The following FAM78B variants were observed in gnomAD, a reference collection of about 807,000 sequenced individuals.
FAM78B encodes protein FAM78B.
Under a neutral mutation model 20.0 loss-of-function variants are expected in FAM78B, and 10 were observed. That is an observed-to-expected ratio of 0.50 (90% confidence interval 0.31 to 0.85). FAM78B has a LOEUF of 0.85. FAM78B is among the 40% of genes least tolerant of loss of function. The pLI is 0.05. For synonymous variants in FAM78B, 135 were observed against 132.8 expected (o/e 1.02, Z -0.12); for missense variants, 283 against 345.0 (o/e 0.82, Z 1.42).
intron 1 of FAM78B, among the ~76,000 whole-genome samples, chr1:166,134,490 T>G (rs1226828188): frequency 6.6e-6 from 1 of 151,882 alleles, no homozygotes; most frequent in Non-Finnish European, 1.5e-5. Flanking sequence ...AAGTGGCCAT[T>G]TGAAAGACAC....
intron 2 of FAM78B, among the ~76,000 whole-genome samples, chr1:166,063,518 T>C (rs1411759832): frequency 1.8e-4 from 28 of 152,152 alleles, no homozygotes; most frequent in Non-Finnish European, 1.5e-5. Context: ...CTGGATCTTA[T>C]GAGACCAGCC....
intron 1 of FAM78B, among the ~76,000 whole-genome samples, chr1:166,109,813 T>C (rs1160845403): frequency 1.3e-4 from 4 of 30,372 alleles, no homozygotes; most frequent in Non-Finnish European, 1.8e-4. Flanking sequence ...TATGTATATA[T>C]GTATATATAT....
At chr1:166,119,805 A>G (rs1367135699) in intron 1 of FAM78B, among the ~76,000 whole-genome samples, 1 of 152,380 alleles carries the variant, frequency 6.6e-6, no homozygotes. Flanking sequence ...AGACTCCCTG[A>G]AGCCTTGCCA....
intron 1 of FAM78B, among the ~76,000 whole-genome samples, chr1:166,119,088 G>GA (rs1306515154): frequency 6.6e-6 from 1 of 152,126 alleles, no homozygotes; most frequent in African/African-American, 2.4e-5. Flanking sequence ...GAGAGAGAGA[G>GA]GAGTGGAAGG....
At chr1:166,058,237 C>T (rs1308738199) in exon 3 of FAM78B, 1 of 152,134 alleles carries the variant, frequency 6.6e-6, no homozygotes, top group East Asian at 1.9e-4. Context: ...GTAAATGTCA[C>T]CTGGGAAGGG....
At chr1:166,134,524 A>C (rs1655001944) in intron 1 of FAM78B, among the ~76,000 whole-genome samples, 1 of 151,754 alleles carries the variant, frequency 6.6e-6, no homozygotes, top group South Asian at 2.1e-4. Context: ...TAGTAATAAT[A>C]ATAATAATAA....
intron 1 of FAM78B, among the ~76,000 whole-genome samples, chr1:166,110,995 G>A: frequency 6.6e-6 from 1 of 152,204 alleles, no homozygotes; most frequent in East Asian, 1.9e-4. Flanking sequence ...GGATACAGGA[G>A]TTGGGGTGAA....
rs1343617214 is a variant in FAM78B at position 166,117,189 on chromosome 1, GAGTAGAATTCTGGTTGAATTCC to G, written c.264-46448_264-46427del. The stretch of plus-strand genomic sequence containing the variant: ...GTTTAAGGAGACATATGATCTCCCT[GAGTAGAATTCTGGTTGAATTCC>G]AGTAGAATTCAAGAATCCTACTCAA... On this transcript the variant is annotated intron_variant, in intron 1 of 1. Transcript: ENST00000354422. Among the ~76,000 whole-genome samples the G allele has an allele frequency of 5.3e-5, 8 of 152,064 alleles. No homozygotes were observed. The South Asian group carries it at 6.2e-4, about 12-fold the overall frequency.
chr1:166,090,711 T>C (rs1653032842), intron 1 of FAM78B, among the ~76,000 whole-genome samples: 1 of 152,248 alleles, frequency 6.6e-6, no homozygotes, highest in Non-Finnish European at 1.5e-5. Context: ...GTCCCTGCTC[T>C]AATTCTGGGA....
intron 1 of FAM78B, among the ~76,000 whole-genome samples, chr1:166,125,691 T>C (rs1313275306): frequency 6.6e-6 from 1 of 152,170 alleles, no homozygotes; most frequent in East Asian, 1.9e-4. Flanking sequence ...AGTATCTGCA[T>C]ATAACCTACG....
At chr1:166,165,413 G>A (rs1411765921) in intron 1 of FAM78B, among the ~76,000 whole-genome samples, 1 of 152,118 alleles carries the variant, frequency 6.6e-6, no homozygotes, top group Non-Finnish European at 1.5e-5. Context: ...CCGGCTTGTG[G>A]TTCCAGACGG....
intron 1 of FAM78B, among the ~76,000 whole-genome samples, chr1:166,092,575 T>A (rs1053684347): frequency 1.3e-5 from 2 of 152,234 alleles, no homozygotes; most frequent in African/African-American, 4.8e-5. Flanking sequence ...GATCTTGTCA[T>A]GAAGGTTGCA....
chr1:166,166,021 C>T lies in FAM78B; in HGVS notation c.228G>A (p.Gln76=), dbSNP rs372989392. ...CGCTGTAGGTGTTGAAGAACTCCAT[C>T]TGATTGCACGCCTGAATCCAGCCCA... The part of the protein sequence containing the change: ...WVVGWIQACN[Q]MEFFNTYSDL... Residue 76 remains glutamine (Q), a synonymous_variant, in exon 1 of 2, where the codon CAG becomes CAA. Coordinates refer to ENST00000354422, the MANE Select transcript of FAM78B (RefSeq NM_001017961.5). 4.1e-5 allele frequency: 66 copies of T among 1,613,568 alleles called. No homozygotes were observed. The highest frequency in any genetic ancestry group is 5.5e-5 in the Non-Finnish European group (65 of 1,179,872).
chr1:166,142,980 A>G (rs951148185), intron 1 of FAM78B, among the ~76,000 whole-genome samples: 1 of 152,130 alleles, frequency 6.6e-6, no homozygotes, highest in African/African-American at 2.4e-5. Flanking sequence ...GAGGCCATAG[A>G]GCCCAGTGGT....
intron 1 of FAM78B, among the ~76,000 whole-genome samples, chr1:166,102,124 A>G (rs1478706547): frequency 6.6e-6 from 1 of 152,218 alleles, no homozygotes; most frequent in African/African-American, 2.4e-5. Context: ...TCATAACCAA[A>G]GGAGAAATAA....
At chr1:166,095,579 C>T (rs947366821) in intron 1 of FAM78B, among the ~76,000 whole-genome samples, 3 of 152,114 alleles carry the variant, frequency 2.0e-5, no homozygotes, top group Non-Finnish European at 2.9e-5. Context: ...TTAATAGGAG[C>T]GTTATGGCCA....
chr1:166,109,681 G>C (rs770760248), intron 1 of FAM78B, among the ~76,000 whole-genome samples: 19 of 150,406 alleles, frequency 1.3e-4, no homozygotes, highest in Admixed American at 4.0e-4. Flanking sequence ...GAGGAAAAGA[G>C]TCATTATTTG....
rs1651924642 is a variant in FAM78B at position 166,069,402 on chromosome 1, A to T, written c.*839T>A. 6.6e-6 allele frequency: 1 copy of T among 152,236 alleles called. No individual in the cohort carries two copies. Among genetic ancestry groups the T allele is most frequent in the East Asian group, 1.9e-4 (1 of 5,206 alleles). 9.4% of individuals were successfully genotyped at this position (152,236 alleles called of 1,614,324 possible). A position where few individuals can be genotyped will look rare whatever the true frequency, so the allele number is the denominator to read the frequency against. Reference sequence around the variant, plus strand: ...TAAATTTAGGGCTAATCATGGGAACAGAATAAGCAGCTGTAAACAAAATCA... The same window carrying T: ...TAAATTTAGGGCTAATCATGGGAACTGAATAAGCAGCTGTAAACAAAATCA... On this transcript the variant is annotated 3_prime_UTR_variant, in exon 2 of 2. Coordinates refer to ENST00000354422, the MANE Select transcript of FAM78B (RefSeq NM_001017961.5).
intron 1 of FAM78B, among the ~76,000 whole-genome samples, chr1:166,162,083 C>T (rs1418035615): frequency 6.6e-6 from 1 of 152,178 alleles, no homozygotes; most frequent in Non-Finnish European, 1.5e-5. Flanking sequence ...GGGAGCAGTT[C>T]CACACAGAGA....
Sources: allele counts gnomAD v4.1 joint callset (sites outside exome capture counted in the v4.1 genomes callset), GRCh38; gene constraint gnomAD v4.1.1; transcripts MANE v1.5; gene names NCBI Gene and HGNC (gene_info 2026-07-23, HGNC 2026-07-21).